CHD3: variants seen among roughly 807,000 people sequenced by gnomAD.
CHD3 encodes the protein ATP-dependent chromatin remodeler CHD3.
Under a neutral mutation model 248.9 loss-of-function variants are expected in CHD3, and 52 were observed. The ratio of observed to expected loss-of-function variants is 0.21; its 90% CI spans 0.17 to 0.26. CHD3 has a LOEUF of 0.26. CHD3 is among the 10% of genes least tolerant of loss of function. The pLI, the probability that CHD3 is intolerant of heterozygous loss-of-function variation, is 1.00. For synonymous variants in CHD3, 985 were observed against 985.2 expected (o/e 1.00, Z 0.00); for missense variants, 1,482 against 2,605.8 (o/e 0.57, Z 9.39).
chr17:7,891,158 T>C (rs1370346458), intron 4 of CHD3, 94 bp downstream of exon 4: 2 of 1,430,232 alleles, frequency 1.4e-6, no homozygotes, highest in East Asian at 4.6e-5. Flanking sequence ...ATGAAACTGC[T>C]CTCCAGAGAA....
At chr17:7,886,318 GTCT>G (rs1967941817), upstream of CHD3, among the ~76,000 whole-genome samples, 1 of 152,340 alleles carries the variant, frequency 6.6e-6, no homozygotes, top group East Asian at 1.9e-4. The surrounding 1 kb of genome is among the most constrained non-coding windows in gnomAD (Gnocchi z 4.2). Context: ...GTGATTTCTA[GTCT>G]TCTTTGGGAT....
At chr17:7,885,299 A>G (rs1259536398), upstream of CHD3, 4 of 85,562 alleles carry the variant, frequency 4.7e-5, no homozygotes, top group South Asian at 3.8e-4. Context: ...CCCCCGCCGC[A>G]CCCCTCCCCC....
chr17:7,895,943 C>T lies in CHD3; in HGVS notation c.1707+401C>T, dbSNP rs1054266615. Among the ~76,000 whole-genome samples, 2 of 151,916 alleles carry T rather than the reference C, an allele frequency of 1.3e-5. No homozygotes were observed. The highest frequency in any genetic ancestry group is 6.6e-5 in the Admixed American group (1 of 15,242). On this transcript the variant is annotated intron_variant, in intron 10 of 39. Coordinates refer to ENST00000330494, the MANE Select transcript of CHD3 (RefSeq NM_001005273.3). This position sits in a 1 kb window ranked among gnomAD's most constrained non-coding sequence, Gnocchi z 4.9. ...CCATCTCTGTTTAAAAAAAAATTCTCGGCTGGGTGTGGTGGCTCACGCCTG... is the reference window on the plus strand; with the variant it reads ...CCATCTCTGTTTAAAAAAAAATTCTTGGCTGGGTGTGGTGGCTCACGCCTG...
Position 7,904,688 on chromosome 17 carries a change from GCTATT to G in CHD3, c.4072+70_4072+74del. ...GATGAGTAGGGACTTGAAGGCTGGA[GCTATT>G]TAGAGGGAAAGAGAGAAGCCTAGAA... On this transcript the variant is annotated intron_variant, in intron 25 of 39. Coordinates refer to ENST00000330494, the MANE Select transcript of CHD3 (RefSeq NM_001005273.3). The surrounding 1 kb of genome is among the most constrained non-coding windows in gnomAD (Gnocchi z 4.4). 7.2e-7 allele frequency: 1 copy of G among 1,394,702 alleles called. No homozygotes were observed. The highest frequency in any genetic ancestry group is 9.9e-7 in the Non-Finnish European group (1 of 1,010,998). The allele number at this position is 1,394,702 out of a possible 1,614,324, so 86.4% of individuals were successfully genotyped here.
rs1260665617 is a variant in CHD3, at chr17:7,909,216, C to T, written c.5468C>T (p.Ala1823Val). The change falls in exon 37 of 40, where the codon GCG becomes GTG. Residue 1823 changes from alanine to valine, a missense_variant. Around this residue, in one of 20 missense-constraint regions of CHD3, gnomAD observed 83 missense variants for 181.0 expected, o/e 0.46. Transcript: ENST00000330494. This position sits in a 1 kb window ranked among gnomAD's most constrained non-coding sequence, Gnocchi z 8.1. ...TACCTGAACCTGTCGCAGGAGCCGG[C>T]GCACCCCGCCATGGCCCTCCACGCC... The part of the protein sequence containing the change: ...AAYLNLSQEP[A>V]HPAMALHARF... 2.6e-6 allele frequency: 4 copies of T among 1,549,330 alleles called. No homozygotes were observed. Among genetic ancestry groups the T allele is most frequent in the African/African-American group, 2.7e-5 (2 of 73,118 alleles).
chr17:7,906,535 C>T lies in CHD3; in HGVS notation c.4359-18C>T. On this transcript the variant is annotated intron_variant, in intron 28 of 39. Coordinates refer to ENST00000330494, the MANE Select transcript of CHD3 (RefSeq NM_001005273.3). The surrounding 1 kb of genome is among the most constrained non-coding windows in gnomAD (Gnocchi z 5.0). ...TCTGTGGCTCCCCTAACCCTCCTCC[C>T]ACTCCCATGCTCCTTAGGGCCTATG... 1.2e-6 allele frequency: 2 copies of T among 1,613,536 alleles called. No individual in the cohort carries two copies. Among genetic ancestry groups the T allele is most frequent in the Non-Finnish European group, 1.7e-6 (2 of 1,179,874 alleles).
chr17:7,895,654 A>T lies in CHD3; in HGVS notation c.1707+112A>T. ...CATACTCTTTGTTTTCTCTCATTTC[A>T]GGCCTGTGGCCTTCATACCCTACTT... On this transcript the variant is annotated intron_variant, in intron 10 of 39. Coordinates refer to ENST00000330494, the MANE Select transcript of CHD3 (RefSeq NM_001005273.3). The surrounding 1 kb of genome is among the most constrained non-coding windows in gnomAD (Gnocchi z 4.9). 1 of 991,652 alleles carries T rather than the reference A, an allele frequency of 1.0e-6. No individual in the cohort carries two copies. The highest frequency in any genetic ancestry group is 1.5e-6 in the Non-Finnish European group (1 of 654,858). 61.4% of individuals were successfully genotyped at this position (991,652 alleles called of 1,614,324 possible).
At chr17:7,885,025 CCCGCCGCCG>C (rs759738955), upstream of CHD3, 523 of 1,161,190 alleles carry the variant, frequency 4.5e-4, 1 homozygote, top group Middle Eastern at 3.8e-3. Flanking sequence ...GCCACCTCTT[CCCGCCGCCG>C]CCGCCGCCGC....
chr17:7,906,872 C>A lies in CHD3; in HGVS notation c.4507C>A (p.Gln1503Lys). 6.2e-7 allele frequency: 1 copy of A among 1,614,080 alleles called. No individual in the cohort carries two copies. The highest frequency in any genetic ancestry group is 8.5e-7 in the Non-Finnish European group (1 of 1,179,994). Residue 1503 changes from glutamine (Q) to lysine (K), a missense_variant, in exon 30 of 40, where the codon CAG becomes AAG. This residue lies in a region of CHD3 where 156 missense variants were observed against 420.3 expected (regional missense o/e 0.37). Transcript: ENST00000330494. The surrounding 1 kb of genome is among the most constrained non-coding windows in gnomAD (Gnocchi z 5.0). ...GVMSLVKKKV[Q>K]EFEHINGRWS... is the part of the protein sequence containing the mutation. ...CCCTCCCACCCTGCCACCCCAGGTG[C>A]AGGAGTTTGAGCACATCAATGGGCG... is the stretch of plus-strand genomic sequence containing the variant.
rs1248341053 is a variant in CHD3, at chr17:7,899,015, C to T, written c.2156C>T (p.Thr719Ile). ...GPPSSPTNDPTVKYETQPRFI... is the reference protein window; with the variant it reads ...GPPSSPTNDPIVKYETQPRFI... The stretch of plus-strand genomic sequence containing the variant: ...TCTGACTTCTTGTCTCTATAGCCTA[C>T]CGTGAAATATGAGACTCAGCCACGG... Residue 719 changes from threonine to isoleucine, a missense_variant, in exon 14 of 40, where the codon ACC (threonine) becomes ATC (isoleucine). Thr to Ile is a moderately conservative substitution (Grantham distance 89). Around this residue, in one of 20 missense-constraint regions of CHD3, gnomAD observed 127 missense variants for 188.3 expected, o/e 0.67. Coordinates refer to ENST00000330494, the MANE Select transcript of CHD3 (RefSeq NM_001005273.3). This position sits in a 1 kb window ranked among gnomAD's most constrained non-coding sequence, Gnocchi z 6.8. 1 of 1,613,960 alleles carries T rather than the reference C, an allele frequency of 6.2e-7. No individual in the cohort carries two copies. Among genetic ancestry groups the T allele is most frequent in the South Asian group, 1.1e-5 (1 of 91,076 alleles).
Position 7,901,350 on chromosome 17 carries a change from G to T in CHD3, c.3227G>T (p.Gly1076Val). The change falls in exon 20 of 40, where the codon GGA (glycine) becomes GTA (valine). Residue 1076 changes from glycine to valine, a missense_variant. Physicochemically the swap from Gly to Val is moderately radical, Grantham distance 109. Transcript: ENST00000330494. ...QKMLRKLKEQ[G>V]HRVLIFSQMT... ...ATGCTGCGAAAGCTGAAGGAGCAAG[G>T]ACACCGAGTGCTCATCTTCTCGCAG... 3 of 1,612,616 alleles carry T rather than the reference G, an allele frequency of 1.9e-6. No homozygotes were observed. Among genetic ancestry groups the T allele is most frequent in the Non-Finnish European group, 2.5e-6 (3 of 1,179,096 alleles).
Position 7,903,166 on chromosome 17 carries a change from G to A in CHD3, c.3495+105G>A, listed in dbSNP as rs953691098. Reference sequence around the variant, plus strand: ...GTCAGAAATAAATCTCTTCTGGGAGGAGAGAAGGCCCTTCTTCAGCAGCCT... The same window carrying A: ...GTCAGAAATAAATCTCTTCTGGGAGAAGAGAAGGCCCTTCTTCAGCAGCCT... On this transcript the variant is annotated intron_variant, in intron 22 of 39. Transcript: ENST00000330494. This position sits in a 1 kb window ranked among gnomAD's most constrained non-coding sequence, Gnocchi z 6.8. 1.7e-5 allele frequency: 27 copies of A among 1,559,160 alleles called. No individual in the cohort carries two copies. The Admixed American group carries it at 2.2e-4, about 13-fold the overall frequency.
Position 7,901,040 on chromosome 17 carries a change from A to C in CHD3, c.3120+47A>C, listed in dbSNP as rs754760061. 87 of 1,595,660 alleles carry C rather than the reference A, an allele frequency of 5.5e-5. No individual in the cohort carries two copies. In the Middle Eastern group the frequency reaches 1.0e-3, roughly 18 times the overall value. On this transcript the variant is annotated intron_variant, in intron 19 of 39. Coordinates refer to ENST00000330494, the MANE Select transcript of CHD3 (RefSeq NM_001005273.3). ...CTGATCGAACGCCCATTCTCAGAAA[A>C]CATGGGTGGGGAGTAGTGGGGAGGT... is the stretch of plus-strand genomic sequence containing the variant.
rs1384439404 is a variant in CHD3 at position 7,896,624 on chromosome 17, C to G, written c.1708-459C>G. On this transcript the variant is annotated intron_variant, in intron 10 of 39. Transcript: ENST00000330494. The stretch of plus-strand genomic sequence containing the variant: ...TTCTCCATGTTGATCAGGCTGGTCT[C>G]GAACTCCCAACCTCAGGTGATCCAC... Among the ~76,000 whole-genome samples the G allele has an allele frequency of 2.8e-5, 4 of 145,188 alleles. No homozygotes were observed. In the East Asian group the frequency reaches 8.3e-4, roughly 30 times the overall value.
chr17:7,904,703 A>G lies in CHD3; in HGVS notation c.4072+84A>G, dbSNP rs928285777. On this transcript the variant is annotated intron_variant, in intron 25 of 39. Transcript: ENST00000330494. This position sits in a 1 kb window ranked among gnomAD's most constrained non-coding sequence, Gnocchi z 4.4. Reference sequence around the variant, plus strand: ...GAAGGCTGGAGCTATTTAGAGGGAAAGAGAGAAGCCTAGAAGTCAGAGCCT... The same window carrying G: ...GAAGGCTGGAGCTATTTAGAGGGAAGGAGAGAAGCCTAGAAGTCAGAGCCT... 2.9e-5 allele frequency: 37 copies of G among 1,282,148 alleles called. 2 individuals carry two copies. In the South Asian group the frequency reaches 4.2e-4, roughly 14 times the overall value. The allele number at this position is 1,282,148 out of a possible 1,614,324, so 79.4% of individuals were successfully genotyped here.
intron 10 of CHD3, among the ~76,000 whole-genome samples, chr17:7,896,457 G>C (rs2151531728): frequency 6.7e-6 from 1 of 148,472 alleles, no homozygotes; most frequent in Non-Finnish European, 1.5e-5. Context: ...CTAGGCTGGA[G>C]TGCAGTGGCA....
intron 13 of CHD3, among the ~76,000 whole-genome samples, chr17:7,898,798 T>A (rs1468358569): frequency 6.6e-6 from 1 of 152,200 alleles, no homozygotes; most frequent in Admixed American, 6.5e-5. Flanking sequence ...CTGGTGGCTC[T>A]GTCACCAGCT....
intron 6 of CHD3, 40 bp downstream of exon 6, chr17:7,893,975 A>G: frequency 3.2e-6 from 5 of 1,573,742 alleles, no homozygotes; most frequent in Non-Finnish European, 4.3e-6. Flanking sequence ...CCTGGGGGCC[A>G]AGGATCCAGA....
In CHD3 at chr17:7,903,418, C is replaced by T. The variant is rs971301142; in HGVS notation, c.3642C>T (p.Gly1214=). 2.5e-6 allele frequency: 4 copies of T among 1,614,064 alleles called. No homozygotes were observed. The African/African-American group carries it at 5.3e-5, about 22-fold the overall frequency. ...ACCTGGTTGTGCGGCCTGGGCTGGG[C>T]TCCAAGGCAGGCTCCATGTCCAAGC... is the stretch of plus-strand genomic sequence containing the variant. ...LTHLVVRPGL[G]SKAGSMSKQE... The change falls in exon 23 of 40, where the codon GGC becomes GGT. Residue 1214 remains glycine (G), a synonymous_variant. Coordinates refer to ENST00000330494, the MANE Select transcript of CHD3 (RefSeq NM_001005273.3). The surrounding 1 kb of genome is among the most constrained non-coding windows in gnomAD (Gnocchi z 6.8).
Sources: allele counts gnomAD v4.1 joint callset (sites outside exome capture counted in the v4.1 genomes callset), GRCh38; gene constraint gnomAD v4.1.1; regional missense constraint gnomAD v4.1.1; non-coding constraint Gnocchi (gnomAD v3.1); transcripts MANE v1.5; gene names NCBI Gene and HGNC (gene_info 2026-07-23, HGNC 2026-07-21).